Variants in CAMK2G observed in about 807,000 individuals in gnomAD.
CAMK2G encodes calcium/calmodulin dependent protein kinase II gamma.
Under a neutral mutation model 88.7 loss-of-function variants are expected in CAMK2G, and 23 were observed. The ratio of observed to expected loss-of-function variants is 0.26; its 90% CI spans 0.19 to 0.37. The LOEUF (loss-of-function observed/expected upper bound fraction) is 0.37. Ranked by LOEUF, CAMK2G falls within the 10% of genes least tolerant of loss-of-function variation. The probability of loss-of-function intolerance (pLI) is 1.00; values close to 1 mark genes in which losing one functional copy is unlikely to be tolerated. For missense variants in CAMK2G, 476 were observed against 780.8 expected (o/e 0.61, Z 4.65); for synonymous variants, 263 against 294.8 (o/e 0.89, Z 1.11).
chr10:73,859,944 C>T lies in CAMK2G; in HGVS notation c.220+886G>A, dbSNP rs185635561. On this transcript the variant is annotated intron_variant, in intron 3 of 22. Coordinates refer to ENST00000423381, the MANE Select transcript of CAMK2G (RefSeq NM_001367534.1). Reference sequence around the variant, plus strand: ...AGCAGAGCAGGCGACCTCTGGGGCACGGTGGGAGCCCTGAGATTTAGGCCA... The same window carrying T: ...AGCAGAGCAGGCGACCTCTGGGGCATGGTGGGAGCCCTGAGATTTAGGCCA... Among the ~76,000 whole-genome samples, 325 of 152,328 alleles carry T rather than the reference C, an allele frequency of 2.1e-3. 1 individual carries two copies. Among genetic ancestry groups the T allele is most frequent in the Admixed American group, 7.1e-3 (108 of 15,290 alleles).
rs1248267067 is a variant in CAMK2G, at chr10:73,873,245, C to A, written c.66-162G>T. On this transcript the variant is annotated intron_variant, in intron 1 of 22. Coordinates refer to ENST00000423381, the MANE Select transcript of CAMK2G (RefSeq NM_001367534.1). Reference sequence around the variant, plus strand: ...GTGACCACCACCATCCAACATGAGGCAAAAGGACGCGGCCACCGCAGGACA... The same window carrying A: ...GTGACCACCACCATCCAACATGAGGAAAAAGGACGCGGCCACCGCAGGACA... 9 of 1,056,648 alleles carry A rather than the reference C, an allele frequency of 8.5e-6. No individual in the cohort carries two copies. The Admixed American group carries it at 1.8e-4, about 22-fold the overall frequency. 65.5% of individuals were successfully genotyped at this position (1,056,648 alleles called of 1,614,324 possible). A position where few individuals can be genotyped will look rare whatever the true frequency, so the allele number is the denominator to read the frequency against.
chr10:73,850,318 T>C (rs897054927), intron 5 of CAMK2G, among the ~76,000 whole-genome samples: 2 of 152,330 alleles, frequency 1.3e-5, no homozygotes, highest in Middle Eastern at 3.4e-3. Context: ...TAAATCAGAC[T>C]GTCCACATAG....
chr10:73,829,700 G>GGTGT (rs60725888), intron 14 of CAMK2G, among the ~76,000 whole-genome samples: 18,310 of 138,122 alleles, frequency 0.13, 1,259 homozygotes, highest in East Asian at 0.19. Context: ...TAAGTAGTGG[G>GGTGT]GTGTGTGTGT....
chr10:73,863,755 A>T (rs928173981), intron 2 of CAMK2G, among the ~76,000 whole-genome samples: 1 of 152,212 alleles, frequency 6.6e-6, no homozygotes, highest in African/African-American at 2.4e-5. Flanking sequence ...GAGTGGAGAG[A>T]AGATACACAG....
intron 18 of CAMK2G, among the ~76,000 whole-genome samples, chr10:73,820,284 C>T (rs7098444): frequency 0.49 from 73,903 of 151,082 alleles, 19,467 homozygotes; most frequent in Middle Eastern, 0.64. Flanking sequence ...GCCCTCCCAC[C>T]GCCCTGGCAC....
At chr10:73,835,448 C>T (rs978245345) in intron 14 of CAMK2G, among the ~76,000 whole-genome samples, 3 of 151,886 alleles carry the variant, frequency 2.0e-5, no homozygotes, top group African/African-American at 7.3e-5. Context: ...AGATGCACAC[C>T]ACTATGCCCA....
At chr10:73,819,355 C>T (rs901988342) in intron 19 of CAMK2G, among the ~76,000 whole-genome samples, 177 bp downstream of exon 19, 5 of 152,132 alleles carry the variant, frequency 3.3e-5, no homozygotes, top group Non-Finnish European at 7.3e-5. Context: ...GACTCAGGGG[C>T]CCCTGCCTGG....
intron 16 of CAMK2G, 100 bp from the exon 17 acceptor site, chr10:73,824,184 G>A: frequency 1.2e-6 from 1 of 823,704 alleles, no homozygotes; most frequent in East Asian, 2.5e-5. Context: ...CAGACCCTAT[G>A]ATGACCACTG....
intron 2 of CAMK2G, among the ~76,000 whole-genome samples, chr10:73,863,444 C>T (rs1357219062): frequency 2.0e-5 from 3 of 152,192 alleles, no homozygotes; most frequent in Non-Finnish European, 4.4e-5. Context: ...TTGACATGAC[C>T]CCACCTTCCT....
At chr10:73,865,485 G>A (rs1331486353) in intron 2 of CAMK2G, among the ~76,000 whole-genome samples, 1 of 152,180 alleles carries the variant, frequency 6.6e-6, no homozygotes. Flanking sequence ...AGCCTCTCCA[G>A]CTGTTGTCTC....
Position 73,828,112 on chromosome 10 carries a change from A to T in CAMK2G, c.1063T>A (p.Ser355Thr). The T allele has an allele frequency of 6.2e-7, 1 of 1,613,632 alleles. No homozygotes were observed. Among genetic ancestry groups the T allele is most frequent in the Non-Finnish European group, 8.5e-7 (1 of 1,179,544 alleles). ...KSDGGVKKRK[S>T]SSSVHLMPQS... ...ACCATTAGGTGCACGCTGGAACTCG[A>T]CTTCCTTTTCTGGACACACCACAGC... Residue 355 changes from serine to threonine, a missense_variant, in exon 15 of 23, where the codon TCG (serine) becomes ACG (threonine). Physicochemically the swap from Ser to Thr is moderately conservative, Grantham distance 58 (BLOSUM62 1). Coordinates refer to ENST00000423381, the MANE Select transcript of CAMK2G (RefSeq NM_001367534.1).
chr10:73,820,345 A>G (rs1162880068), intron 18 of CAMK2G, among the ~76,000 whole-genome samples: 1 of 151,640 alleles, frequency 6.6e-6, no homozygotes, highest in African/African-American at 2.4e-5. Flanking sequence ...CCACCAGGAC[A>G]TGACCAAATG....
rs2087277088 is a variant in CAMK2G at position 73,819,923 on chromosome 10, TC to T, written c.1250-279del. 4.6e-5 allele frequency among the ~76,000 whole-genome samples: 7 copies of T among 152,214 alleles called. No individual in the cohort carries two copies. In the South Asian group the frequency reaches 1.2e-3, roughly 27 times the overall value. On this transcript the variant is annotated intron_variant, in intron 18 of 22. Transcript: ENST00000423381. ...CAACAGCCTGTCCAAGGACCCCTGA[TC>T]CCGGGGAAGATGTTCCAGGGGGCCA...
intron 20 of CAMK2G, 99 bp downstream of exon 20, chr10:73,817,380 G>T: frequency 1.0e-6 from 1 of 959,296 alleles, no homozygotes; most frequent in Non-Finnish European, 1.7e-6. Flanking sequence ...TTTGCCCAAG[G>T]TCCAACCTCC....
At position 73,839,609 on chromosome 10, in the gene CAMK2G, G is replaced by C; in HGVS notation, c.947-8C>G. On this transcript the variant is annotated splice_polypyrimidine_tract_variant and splice_region_variant and intron_variant, in intron 12 of 22. Coordinates refer to ENST00000423381, the MANE Select transcript of CAMK2G (RefSeq NM_001367534.1). This position sits in a 1 kb window ranked among gnomAD's most constrained non-coding sequence, Gnocchi z 4.2. ...CGGAGCTCTGCCTGCCAACTGAGGG[G>C]ATACAGTCTCTCAGTGCACAGAGCC... The C allele has an allele frequency of 8.1e-7, 1 of 1,229,480 alleles. No individual in the cohort carries two copies. Among genetic ancestry groups the C allele is most frequent in the Non-Finnish European group, 1.0e-6 (1 of 983,860 alleles). The allele number at this position is 1,229,480 out of a possible 1,614,324, so 76.2% of individuals were successfully genotyped here. A position where few individuals can be genotyped will look rare whatever the true frequency, so the allele number is the denominator to read the frequency against.
At chr10:73,863,647 G>GTT (rs2095474940) in intron 2 of CAMK2G, among the ~76,000 whole-genome samples, 1 of 152,204 alleles carries the variant, frequency 6.6e-6, no homozygotes, top group African/African-American at 2.4e-5. Flanking sequence ...GAAGATTAAT[G>GTT]TTTATCTCCT....
At chr10:73,819,800 G>T (rs1009332703) in intron 18 of CAMK2G, among the ~76,000 whole-genome samples, 155 bp from the exon 19 acceptor site, 4 of 152,240 alleles carry the variant, frequency 2.6e-5, no homozygotes, top group African/African-American at 9.6e-5. Flanking sequence ...GTGGACACTG[G>T]ACGACATCCC....
rs2093571777 is a variant in CAMK2G, at chr10:73,839,437, C to G, written c.1009+102G>C. 1.7e-6 allele frequency: 1 copy of G among 574,034 alleles called. No individual in the cohort carries two copies. The highest frequency in any genetic ancestry group is 2.6e-6 in the Non-Finnish European group (1 of 386,856). 35.6% of individuals were successfully genotyped at this position (574,034 alleles called of 1,614,324 possible). On this transcript the variant is annotated intron_variant, in intron 13 of 22. Coordinates refer to ENST00000423381, the MANE Select transcript of CAMK2G (RefSeq NM_001367534.1). This position sits in a 1 kb window ranked among gnomAD's most constrained non-coding sequence, Gnocchi z 4.2. ...TGGCATGCCCATCTCAGCCCGCAAGCATGGGACTCGCCTCCCTGGTGAGTG... is the reference window on the plus strand; with the variant it reads ...TGGCATGCCCATCTCAGCCCGCAAGGATGGGACTCGCCTCCCTGGTGAGTG...
chr10:73,854,925 T>A (rs1018835933), intron 3 of CAMK2G, among the ~76,000 whole-genome samples: 2 of 152,032 alleles, frequency 1.3e-5, no homozygotes, highest in Non-Finnish European at 2.9e-5. Flanking sequence ...AAAAATCCCA[T>A]CCCAATCTCA....
Sources: allele counts gnomAD v4.1 joint callset (sites outside exome capture counted in the v4.1 genomes callset), GRCh38; gene constraint gnomAD v4.1.1; non-coding constraint Gnocchi (gnomAD v3.1); transcripts MANE v1.5; gene names NCBI Gene and HGNC (gene_info 2026-07-23, HGNC 2026-07-21).